The following PRSS23 variants were observed in gnomAD, a reference collection of about 807,000 sequenced individuals.
The protein encoded by PRSS23 is protease, serine 23.
Under a neutral mutation model 34.7 loss-of-function variants are expected in PRSS23, and 25 were observed. That is an observed-to-expected ratio of 0.72 (90% CI 0.53 to 1.01). The LOEUF is 1.01. PRSS23 is among the 50% of genes least tolerant of loss of function. PRSS23 has a pLI of 0.00. For missense variants in PRSS23, 445 were observed against 475.6 expected (o/e 0.94, Z 0.60); for synonymous variants, 176 against 186.6 (o/e 0.94, Z 0.46).
At chr11:86,951,133 T>C (rs202085996) in intron 2 of PRSS23, 11 of 1,613,846 alleles carry the variant, frequency 6.8e-6, no homozygotes, top group Non-Finnish European at 9.3e-6. Flanking sequence ...GCATGGAGGC[T>C]GACTAGCCTT....
At chr11:86,815,620 GTC>G (rs1948209992), downstream of PRSS23, among the ~76,000 whole-genome samples, 1 of 152,170 alleles carries the variant, frequency 6.6e-6, no homozygotes, top group Non-Finnish European at 1.5e-5. Flanking sequence ...TTATTTATGT[GTC>G]TGCCTCTTCT....
intron 2 of PRSS23, among the ~76,000 whole-genome samples, chr11:86,930,139 G>A (rs913793711): frequency 6.6e-6 from 1 of 151,584 alleles, no homozygotes; most frequent in Non-Finnish European, 1.5e-5. Context: ...TCTTGTATAG[G>A]CATTAAAAAA....
At chr11:86,823,826 G>A (rs1242190246) in intron 2 of PRSS23, among the ~76,000 whole-genome samples, 1 of 151,776 alleles carries the variant, frequency 6.6e-6, no homozygotes, top group Non-Finnish European at 1.5e-5. Context: ...CTAACACGGT[G>A]AAACCCCGTC....
intron 2 of PRSS23, among the ~76,000 whole-genome samples, chr11:86,895,169 A>C (rs1210220314): frequency 1.3e-5 from 2 of 152,238 alleles, no homozygotes; most frequent in African/African-American, 4.8e-5. Flanking sequence ...ATAATTAAAC[A>C]TCTATTCTAC....
chr11:86,886,269 T>C (rs979383857), intron 2 of PRSS23, among the ~76,000 whole-genome samples: 54 of 152,256 alleles, frequency 3.5e-4, no homozygotes, highest in African/African-American at 1.3e-3. Flanking sequence ...TTTCCAAAAA[T>C]TGCCCTCAGC....
intron 2 of PRSS23, among the ~76,000 whole-genome samples, chr11:86,835,520 A>G (rs965843540): frequency 1.3e-5 from 2 of 152,212 alleles, no homozygotes; most frequent in East Asian, 1.9e-4. Flanking sequence ...TCAGGGGTCC[A>G]TCTTACTAAA....
intron 2 of PRSS23, among the ~76,000 whole-genome samples, chr11:86,943,252 T>C (rs1429682841): frequency 6.6e-6 from 1 of 152,212 alleles, no homozygotes; most frequent in Admixed American, 6.5e-5. Context: ...TTTTAAAAAA[T>C]AGAAGCTTAT....
intron 2 of PRSS23, among the ~76,000 whole-genome samples, chr11:86,899,836 A>G (rs1948899660): frequency 6.6e-6 from 1 of 151,954 alleles, no homozygotes; most frequent in East Asian, 1.9e-4. Context: ...ATTTCTTAAA[A>G]AAAAAAAAAA....
chr11:86,926,056 A>C (rs1350450196), intron 2 of PRSS23, among the ~76,000 whole-genome samples: 1 of 152,160 alleles, frequency 6.6e-6, no homozygotes, highest in Non-Finnish European at 1.5e-5. Flanking sequence ...CCCTACATTC[A>C]TTTCTTTATT....
At chr11:86,910,020 C>T (rs1408507946) in intron 2 of PRSS23, 1 of 152,198 alleles carries the variant, frequency 6.6e-6, no homozygotes, top group Non-Finnish European at 1.5e-5. Flanking sequence ...AAGAGAACTG[C>T]ACATTCAACT....
chr11:86,939,432 T>TTTTTA (rs1555084024), intron 2 of PRSS23, among the ~76,000 whole-genome samples: 3 of 111,626 alleles, frequency 2.7e-5, no homozygotes, highest in Non-Finnish European at 5.8e-5. Context: ...ATATATTTTT[T>TTTTTA]AACATGAGTA....
upstream of PRSS23, among the ~76,000 whole-genome samples, chr11:86,797,212 C>A (rs909953812): frequency 6.6e-6 from 1 of 152,224 alleles, no homozygotes; most frequent in South Asian, 2.1e-4. Flanking sequence ...GTGAGGATTT[C>A]GGTTTTGGTT....
At chr11:86,834,431 C>G (rs919615747) in intron 2 of PRSS23, among the ~76,000 whole-genome samples, 2 of 152,146 alleles carry the variant, frequency 1.3e-5, no homozygotes, top group African/African-American at 2.4e-5. Context: ...AGGGGTCCTT[C>G]TATAAGCATT....
chr11:86,805,759 A>G (rs1021599278), intron 1 of PRSS23, among the ~76,000 whole-genome samples: 1 of 152,242 alleles, frequency 6.6e-6, no homozygotes, highest in African/African-American at 2.4e-5. Flanking sequence ...GGGCATGCTC[A>G]GCTATACTAC....
At chr11:86,886,892 A>T (rs1443098255) in intron 2 of PRSS23, among the ~76,000 whole-genome samples, 11 of 152,164 alleles carry the variant, frequency 7.2e-5, no homozygotes, top group African/African-American at 2.7e-4. Flanking sequence ...CCAGGAGCTG[A>T]GATCGCGCCA....
intron 2 of PRSS23, among the ~76,000 whole-genome samples, chr11:86,836,393 T>G (rs1298208370): frequency 6.6e-6 from 1 of 152,124 alleles, no homozygotes; most frequent in East Asian, 1.9e-4. Context: ...AGGATGGGTA[T>G]TCTTTGCTCA....
intron 2 of PRSS23, chr11:86,836,937 C>T (rs1292514544): frequency 2.0e-5 from 3 of 152,302 alleles, no homozygotes; most frequent in Non-Finnish European, 4.4e-5. Context: ...TTTCAGATTT[C>T]AGAGCAATCC....
intron 2 of PRSS23, among the ~76,000 whole-genome samples, chr11:86,842,587 G>C (rs2134906094): frequency 6.6e-6 from 1 of 152,256 alleles, no homozygotes; most frequent in East Asian, 1.9e-4. Context: ...AAAGTCTCAG[G>C]ATACAAATTC....
chr11:86,951,847 T>G, exon 3 of PRSS23: 1 of 1,613,756 alleles, frequency 6.2e-7, no homozygotes, highest in East Asian at 2.2e-5. Flanking sequence ...AGAAAATTAT[T>G]GCACATCCTG....
Sources: gnomAD v4.1 joint callset for allele counts (sites outside exome capture counted in the v4.1 genomes callset) on GRCh38, gnomAD v4.1.1 for gene constraint, MANE v1.5 for transcripts, NCBI Gene and HGNC (gene_info 2026-07-23, HGNC 2026-07-21) for gene names.